DSG1: variants seen among roughly 807,000 people sequenced by gnomAD.
DSG1 encodes the protein desmoglein 1.
A neutral mutation model predicts 97.5 loss-of-function variants in DSG1; 39 were observed. That is an observed-to-expected ratio of 0.40 (90% CI 0.31 to 0.52). The LOEUF (loss-of-function observed/expected upper bound fraction) is 0.52. DSG1 is among the 20% of genes least tolerant of loss of function. The pLI is 0.53. For synonymous variants in DSG1, 475 were observed against 443.4 expected (o/e 1.07, Z -0.90); for missense variants, 1,311 against 1,295.4 (o/e 1.01, Z -0.18).
At chr18:31,339,643 G>C (rs1598706093) in intron 10 of DSG1, 101 bp from the exon 11 acceptor site, 1 of 882,920 alleles carries the variant, frequency 1.1e-6, no homozygotes, top group East Asian at 2.7e-5. Context: ...TGGGAATAAA[G>C]ACACTGAAAT....
chr18:31,345,027 C>T (rs2071820324), intron 13 of DSG1, among the ~76,000 whole-genome samples: 1 of 152,202 alleles, frequency 6.6e-6, no homozygotes, highest in Non-Finnish European at 1.5e-5. Context: ...CTTCTCACCT[C>T]AAAAGCAGAA....
chr18:31,343,500 G>T lies in DSG1; in HGVS notation c.1738G>T (p.Ala580Ser). 1 of 1,614,130 alleles carries T rather than the reference G, an allele frequency of 6.2e-7. No individual in the cohort carries two copies. Among genetic ancestry groups the T allele is most frequent in the Non-Finnish European group, 8.5e-7 (1 of 1,180,020 alleles). The change falls in exon 12 of 15, where the codon GCA (alanine) becomes TCA (serine). Residue 580 changes from alanine (A) to serine (S), a missense_variant. By Grantham distance (99) the Ala-to-Ser change is moderately conservative (BLOSUM62 1). Coordinates refer to ENST00000257192, the MANE Select transcript of DSG1 (RefSeq NM_001942.4). The part of the protein sequence containing the change: ...CCDCGGAPRS[A>S]AGFEPVPECS... ...TGATTGTGGAGGTGCTCCTCGTAGT[G>T]CAGCTGGCTTTGAGCCTGTTCCCGA...
At chr18:31,324,802 C>A (rs1473095085) in intron 1 of DSG1, among the ~76,000 whole-genome samples, 1 of 152,226 alleles carries the variant, frequency 6.6e-6, no homozygotes, top group African/African-American at 2.4e-5. Context: ...CGTCTGTAAT[C>A]ACTGCCTCTT....
At chr18:31,324,442 A>C (rs2071673751) in intron 1 of DSG1, among the ~76,000 whole-genome samples, 1 of 152,106 alleles carries the variant, frequency 6.6e-6, no homozygotes, top group Non-Finnish European at 1.5e-5. Context: ...ATCCTGCCTG[A>C]GCAGATCTAC....
chr18:31,327,085 T>C, intron 3 of DSG1, 80 bp downstream of exon 3: 3 of 1,554,540 alleles, frequency 1.9e-6, no homozygotes, highest in South Asian at 2.2e-5. Flanking sequence ...AAATATTTCA[T>C]GAACATGTCT....
At chr18:31,336,992 A>G (rs1154850) in intron 9 of DSG1, among the ~76,000 whole-genome samples, 56,688 of 152,142 alleles carry the variant, frequency 0.37, 12,753 homozygotes, top group Non-Finnish European at 0.5. Context: ...ATTAGATTTT[A>G]TTAGCTCATT....
In DSG1 at chr18:31,343,926, G is replaced by T. The variant is rs1273847166; in HGVS notation, c.1822G>T (p.Asp608Tyr). The T allele has an allele frequency of 6.2e-7, 1 of 1,610,072 alleles. No homozygotes were observed. Among genetic ancestry groups the T allele is most frequent in the Non-Finnish European group, 8.5e-7 (1 of 1,176,760 alleles). ...GGAAATGTTGTTTCCTGTCTTTTAG[G>T]ATATAACCACTGTCATACCACAAAT... Reference protein sequence around the residue: ...AVEGPQPEPRDITTVIPQIPP... With the variant: ...AVEGPQPEPRYITTVIPQIPP... Residue 608 changes from aspartate (D) to tyrosine (Y), a missense_variant and splice_region_variant, in exon 13 of 15, where the codon GAT becomes TAT. Physicochemically the swap from Asp to Tyr is radical, Grantham distance 160. Around this residue, in one of 3 missense-constraint regions of DSG1, gnomAD observed 1,038 missense variants for 964.6 expected, o/e 1.08. Transcript: ENST00000257192.
chr18:31,338,294 A>G (rs2071767568), intron 9 of DSG1, 21 bp from the exon 10 acceptor site: 1 of 1,612,078 alleles, frequency 6.2e-7, no homozygotes, highest in African/African-American at 1.3e-5. Flanking sequence ...ATTAATTTGT[A>G]TCATTTTCTT....
Position 31,339,977 on chromosome 18 carries a change from G to T in DSG1, c.1639G>T (p.Gly547Cys). The T allele has an allele frequency of 6.2e-7, 1 of 1,613,968 alleles. No homozygotes were observed. The highest frequency in any genetic ancestry group is 8.5e-7 in the Non-Finnish European group (1 of 1,179,974). Residue 547 changes from glycine (G) to cysteine (C), a missense_variant, in exon 11 of 15, where the codon GGT becomes TGT. Gly to Cys is a radical substitution (Grantham distance 159). This residue lies in a region of DSG1 where 1,038 missense variants were observed against 964.6 expected (regional missense o/e 1.08). Transcript: ENST00000257192. Reference protein sequence around the residue: ...KDLLSDNVHFGPAGIGLLIMG... With the variant: ...KDLLSDNVHFCPAGIGLLIMG... Reference sequence around the variant, plus strand: ...TTTGTTATCAGACAATGTACATTTTGGTCCTGCTGGCATTGGACTCCTCAT... The same window carrying T: ...TTTGTTATCAGACAATGTACATTTTTGTCCTGCTGGCATTGGACTCCTCAT...
At position 31,355,258 on chromosome 18, in the gene DSG1, A is replaced by G. The variant is rs749871101; in HGVS notation, c.3062A>G (p.His1021Arg). 4.3e-6 allele frequency: 7 copies of G among 1,612,716 alleles called. No homozygotes were observed. The highest frequency in any genetic ancestry group is 2.2e-5 in the South Asian group (2 of 90,962). ...GGCCACATGAGGAGTTCCTCTGACC[A>G]TCACTTTAACCAAACCATTGGGTCC... ...SIGHMRSSSDHHFNQTIGSAS... is the reference protein window; with the variant it reads ...SIGHMRSSSDRHFNQTIGSAS... The change falls in exon 15 of 15, where the codon CAT becomes CGT. Residue 1021 changes from histidine (H) to arginine (R), a missense_variant. Coordinates refer to ENST00000257192, the MANE Select transcript of DSG1 (RefSeq NM_001942.4).
intron 14 of DSG1, among the ~76,000 whole-genome samples, chr18:31,350,429 CT>C (rs1195536822): frequency 7.2e-6 from 1 of 139,278 alleles, no homozygotes. Flanking sequence ...CTAAAATTCT[CT>C]TTTTTTGTTG....
Position 31,355,488 on chromosome 18 carries a change from T to A in DSG1, c.*142T>A. 1.2e-6 allele frequency: 1 copy of A among 841,820 alleles called. No individual in the cohort carries two copies. The highest frequency in any genetic ancestry group is 1.7e-5 in the African/African-American group (1 of 59,682). 52.1% of individuals were successfully genotyped at this position (841,820 alleles called of 1,614,324 possible). A position where few individuals can be genotyped will look rare whatever the true frequency, so the allele number is the denominator to read the frequency against. ...AGGTGAGAAATCACAATGAGAAAAA[T>A]AAATGGAAACACCACTGCTAGGGGA... On this transcript the variant is annotated 3_prime_UTR_variant, in exon 15 of 15. Coordinates refer to ENST00000257192, the MANE Select transcript of DSG1 (RefSeq NM_001942.4).
Position 31,354,569 on chromosome 18 carries a change from C to T in DSG1, c.2373C>T (p.Pro791=), listed in dbSNP as rs765897238. Residue 791 remains proline, a synonymous_variant, in exon 15 of 15, where the codon CCC becomes CCT. Transcript: ENST00000257192. ...EPVCLPQETE[P]VVSGHPPISP... ...TTTGCCTTCCTCAGGAAACAGAGCC[C>T]GTTGTTAGTGGACACCCACCAATCT... 3.0e-5 allele frequency: 49 copies of T among 1,614,014 alleles called. No homozygotes were observed. The highest frequency in any genetic ancestry group is 2.9e-4 in the South Asian group (26 of 91,080).
intron 14 of DSG1, among the ~76,000 whole-genome samples, chr18:31,351,727 C>T (rs1397238466): frequency 2.0e-5 from 3 of 150,216 alleles, no homozygotes; most frequent in Non-Finnish European, 3.0e-5. Flanking sequence ...TATGTAATGG[C>T]CTTCTTTGTC....
In DSG1 at chr18:31,343,551, T is replaced by C. The variant is rs2071804998; in HGVS notation, c.1789T>C (p.Trp597Arg). 6.2e-7 allele frequency: 1 copy of C among 1,614,034 alleles called. No homozygotes were observed. The highest frequency in any genetic ancestry group is 1.1e-5 in the South Asian group (1 of 91,086). ...PECSDGAIHSWAVEGPQPEPR... is the reference protein window; with the variant it reads ...PECSDGAIHSRAVEGPQPEPR... Reference sequence around the variant, plus strand: ...ATGTTCAGATGGAGCAATTCATTCATGGGCAGTAGAAGGACCACAGCCTGA... The same window carrying C: ...ATGTTCAGATGGAGCAATTCATTCACGGGCAGTAGAAGGACCACAGCCTGA... Residue 597 changes from tryptophan to arginine, a missense_variant, in exon 12 of 15, where the codon TGG becomes CGG. This residue lies in a region of DSG1 where 1,038 missense variants were observed against 964.6 expected (regional missense o/e 1.08). Coordinates refer to ENST00000257192, the MANE Select transcript of DSG1 (RefSeq NM_001942.4).
In DSG1 at chr18:31,354,530, A is replaced by G. The variant is rs2071934492; in HGVS notation, c.2334A>G (p.Gln778=). 1.2e-6 allele frequency: 2 copies of G among 1,614,004 alleles called. No homozygotes were observed. Among genetic ancestry groups the G allele is most frequent in the Admixed American group, 1.7e-5 (1 of 60,010 alleles). ...YPDLDPSWPP[Q]STEPVCLPQE... is the part of the protein sequence containing the mutation. ...ACCTTGATCCTTCTTGGCCACCACA[A>G]AGCACTGAACCAGTTTGCCTTCCTC... The change falls in exon 15 of 15, where the codon CAA becomes CAG. Residue 778 remains glutamine, a synonymous_variant. Coordinates refer to ENST00000257192, the MANE Select transcript of DSG1 (RefSeq NM_001942.4).
intron 14 of DSG1, 55 bp from the exon 15 acceptor site, chr18:31,354,242 A>G: frequency 6.8e-7 from 1 of 1,477,490 alleles, no homozygotes; most frequent in South Asian, 1.1e-5. Context: ...AGGCTGTTCT[A>G]TTATTGTTAA....
intron 13 of DSG1, 73 bp downstream of exon 13, chr18:31,344,068 T>G: frequency 9.1e-7 from 1 of 1,099,456 alleles, no homozygotes; most frequent in Non-Finnish European, 1.4e-6. Flanking sequence ...TGATTATTGT[T>G]TTTTAATTAT....
At position 31,359,134 on chromosome 18, in the gene DSG1, A is replaced by G. The variant is rs534444046; in HGVS notation, c.*3788A>G. 6.6e-6 allele frequency among the ~76,000 whole-genome samples: 1 copy of G among 152,036 alleles called. No individual in the cohort carries two copies. Among genetic ancestry groups the G allele is most frequent in the Non-Finnish European group, 1.5e-5 (1 of 67,970 alleles). On this transcript the variant is annotated 3_prime_UTR_variant, in exon 15 of 15. Transcript: ENST00000257192. ...TTCTCTTATTCAAGTTTCAATATAA[A>G]AGTTTTTGGATTATTTGGGTGCTAG...
Sources: allele counts gnomAD v4.1 joint callset (sites outside exome capture counted in the v4.1 genomes callset), GRCh38; gene constraint gnomAD v4.1.1; regional missense constraint gnomAD v4.1.1; transcripts MANE v1.5; gene names NCBI Gene and HGNC (gene_info 2026-07-23, HGNC 2026-07-21).